The following ANK3 variants were observed in gnomAD, a reference collection of about 807,000 sequenced individuals.
ANK3 encodes the protein ankyrin 3, also known as ankyrin-3.
ANK3 carries 57 observed loss-of-function variants against 370.9 expected under a neutral mutation model. The observed-to-expected ratio is 0.15, with a 90% CI of 0.12 to 0.19. ANK3 has a LOEUF of 0.19. Among genes scored for constraint, ANK3 ranks in the 10% least tolerant of loss-of-function variants. The probability of loss-of-function intolerance (pLI) is 1.00; values close to 1 mark genes in which losing one functional copy is unlikely to be tolerated. For missense variants in ANK3, 4,439 were observed against 5,302.1 expected, an observed-to-expected ratio of 0.84 and a Z score of 5.06; for synonymous variants, 1,929 against 1,946.3, an observed-to-expected ratio of 0.99 and a Z score of 0.23.
intron 1 of ANK3, among the ~76,000 whole-genome samples, chr10:60,719,505 T>G (rs1175231898): frequency 6.6e-6 from 1 of 152,126 alleles, no homozygotes; most frequent in Non-Finnish European, 1.5e-5. Context: ...TCCTCAACAT[T>G]ATAAAGATTT....
At chr10:60,189,756 C>T (rs1219236991) in intron 16 of ANK3, among the ~76,000 whole-genome samples, 1 of 152,110 alleles carries the variant, frequency 6.6e-6, no homozygotes, top group East Asian at 1.9e-4. Flanking sequence ...GGGTTTTTTC[C>T]CTCTTGATGT....
intron 2 of ANK3, among the ~76,000 whole-genome samples, chr10:60,605,791 C>T (rs2078121437): frequency 6.6e-6 from 1 of 152,150 alleles, no homozygotes; most frequent in African/African-American, 2.4e-5. Flanking sequence ...TATCTATAAA[C>T]TTGTATTAAT....
intron 1 of ANK3, among the ~76,000 whole-genome samples, chr10:60,631,605 T>C (rs2078484907): frequency 6.6e-6 from 1 of 152,078 alleles, no homozygotes; most frequent in Admixed American, 6.6e-5. Context: ...ATATAAAACC[T>C]ATAGCAATCC....
chr10:60,219,507 G>C (rs999214373), intron 8 of ANK3, among the ~76,000 whole-genome samples: 1 of 152,188 alleles, frequency 6.6e-6, no homozygotes, highest in Admixed American at 6.5e-5. Flanking sequence ...GTGCGTGAGA[G>C]AGAGCTAGGC....
intron 1 of ANK3, among the ~76,000 whole-genome samples, chr10:60,342,431 G>C (rs551119846): frequency 2.0e-5 from 3 of 152,180 alleles, no homozygotes; most frequent in African/African-American, 7.2e-5. Context: ...CTACTTCTAG[G>C]ACAATTTGGA....
rs759181986 is a variant in ANK3, at chr10:60,070,465, C to T, written c.10416G>A (p.Lys3472=). 2.1e-5 allele frequency: 34 copies of T among 1,614,010 alleles called. No individual in the cohort carries two copies. In the East Asian group the frequency reaches 7.6e-4, roughly 36 times the overall value. The change falls in exon 37 of 44, where the codon AAG becomes AAA. Residue 3472 remains lysine (K), a synonymous_variant. Transcript: ENST00000280772. The surrounding 1 kb of genome is among the most constrained non-coding windows in gnomAD (Gnocchi z 5.7). ...SKLEVIEEEG[K]VGPDEDKPPS... The stretch of plus-strand genomic sequence containing the variant: ...GTGGCTTGTCCTCATCTGGTCCCAC[C>T]TTTCCCTCCTCCTCGATAACTTCAA...
Position 60,069,820 on chromosome 10 carries a change from C to A in ANK3, c.11061G>T (p.Pro3687=), listed in dbSNP as rs767383768. Residue 3687 remains proline, a synonymous_variant, in exon 37 of 44, where the codon CCG becomes CCT. Transcript: ENST00000280772. ...TGCCTTCCTGACACTCTCCGCTGGTCGGGATGCTGGGGTTAGGTTCCACTG... is the reference window on the plus strand; with the variant it reads ...TGCCTTCCTGACACTCTCCGCTGGTAGGGATGCTGGGGTTAGGTTCCACTG... ...TPTVEPNPSI[P]TSGECQEGTS... The A allele has an allele frequency of 2.5e-6, 4 of 1,614,072 alleles. No homozygotes were observed. The South Asian group carries it at 4.4e-5, about 18-fold the overall frequency.
At chr10:60,171,551 G>A (rs1399985473) in intron 21 of ANK3, among the ~76,000 whole-genome samples, 1 of 152,162 alleles carries the variant, frequency 6.6e-6, no homozygotes, top group Non-Finnish European at 1.5e-5. Flanking sequence ...TCAACCTCAG[G>A]TCTATGTGTT....
intron 2 of ANK3, among the ~76,000 whole-genome samples, chr10:60,534,906 A>G (rs949558829): frequency 6.6e-6 from 1 of 152,158 alleles, no homozygotes; most frequent in African/African-American, 2.4e-5. Context: ...CAAGAAACAA[A>G]CTCAAAACAA....
At chr10:60,254,232 G>T (rs1592544076) in intron 7 of ANK3, among the ~76,000 whole-genome samples, 2 of 145,946 alleles carry the variant, frequency 1.4e-5, no homozygotes, top group African/African-American at 4.9e-5. Flanking sequence ...CTTTTTTATT[G>T]TTTTTTTTTT....
intron 24 of ANK3, among the ~76,000 whole-genome samples, chr10:60,138,217 C>T (rs1418393040): frequency 6.6e-6 from 1 of 152,162 alleles, no homozygotes; most frequent in Non-Finnish European, 1.5e-5. Flanking sequence ...AAAATGTCCT[C>T]AGGGCTCTGG....
At chr10:60,056,679 A>G (rs2079233022) in intron 41 of ANK3, among the ~76,000 whole-genome samples, 1 of 152,148 alleles carries the variant, frequency 6.6e-6, no homozygotes, top group African/African-American at 2.4e-5. Context: ...TTCCAAGCCC[A>G]CCAATCTTAA....
At chr10:60,442,461 G>A (rs941037418) in intron 2 of ANK3, among the ~76,000 whole-genome samples, 2 of 152,108 alleles carry the variant, frequency 1.3e-5, no homozygotes, top group Admixed American at 1.3e-4. Flanking sequence ...TAAATGCTAT[G>A]TAAGTGGTTG....
At chr10:60,133,591 A>G (rs892721771) in intron 25 of ANK3, among the ~76,000 whole-genome samples, 1 of 152,184 alleles carries the variant, frequency 6.6e-6, no homozygotes, top group African/African-American at 2.4e-5. Flanking sequence ...AAACAATTCT[A>G]ACAAATTCCA....
At chr10:60,198,901 T>C (rs1253175988) in intron 13 of ANK3, among the ~76,000 whole-genome samples, 1 of 152,182 alleles carries the variant, frequency 6.6e-6, no homozygotes, top group Non-Finnish European at 1.5e-5. Context: ...ATATTATACC[T>C]CCACACCAGT....
intron 1 of ANK3, among the ~76,000 whole-genome samples, chr10:60,323,187 A>T (rs553374975): frequency 6.6e-6 from 1 of 152,162 alleles, no homozygotes; most frequent in Non-Finnish European, 1.5e-5. Context: ...CTGGAACTCA[A>T]TCTCTCTGGG....
Position 60,696,968 on chromosome 10 carries a change from T to C in ANK3, c.57+36295A>G, listed in dbSNP as rs1188282644. Among the ~76,000 whole-genome samples, 20 of 141,662 alleles carry C rather than the reference T, an allele frequency of 1.4e-4. No homozygotes were observed. The East Asian group carries it at 3.7e-3, about 26-fold the overall frequency. The allele number at this position is 141,662 out of a possible 152,430, so 92.9% of individuals were successfully genotyped here. A position where few individuals can be genotyped will look rare whatever the true frequency, so the allele number is the denominator to read the frequency against. The stretch of plus-strand genomic sequence containing the variant: ...GGAAAAGAGGAAGTCAAATTGTCCC[T>C]GTTTGCAGACGACATGATTGTTTAT... On this transcript the variant is annotated intron_variant, in intron 1 of 43. Transcript: ENST00000373827.
intron 1 of ANK3, among the ~76,000 whole-genome samples, chr10:60,372,430 CAG>C (rs2060221877): frequency 7.1e-6 from 1 of 140,950 alleles, no homozygotes; most frequent in East Asian, 2.2e-4. Context: ...GCTAAAGAAA[CAG>C]GGAGCGTTTA....
chr10:60,359,657 C>T (rs1171871996), intron 1 of ANK3, among the ~76,000 whole-genome samples: 15 of 152,068 alleles, frequency 9.9e-5, no homozygotes, highest in Non-Finnish European at 1.6e-4. Context: ...GCTATTTGGG[C>T]CAGTTGTGGT....
Sources: gnomAD v4.1 joint callset for allele counts (sites outside exome capture counted in the v4.1 genomes callset) on GRCh38, gnomAD v4.1.1 for gene constraint, Gnocchi (gnomAD v3.1) non-coding constraint, MANE v1.5 for transcripts, NCBI Gene and HGNC (gene_info 2026-07-23, HGNC 2026-07-21) for gene names.